The following HNRNPR variants were observed in gnomAD, a reference collection of about 807,000 sequenced individuals.
HNRNPR encodes heterogeneous nuclear ribonucleoprotein R.
HNRNPR carries 4 observed loss-of-function variants against 70.3 expected under a neutral mutation model. That is an observed-to-expected ratio of 0.06 (90% CI 0.03 to 0.13). HNRNPR has a LOEUF of 0.13. Among genes scored for constraint, HNRNPR ranks in the 10% least tolerant of loss-of-function variants. The probability of loss-of-function intolerance (pLI) is 1.00; values close to 1 mark genes in which losing one functional copy is unlikely to be tolerated. For missense variants in HNRNPR, 423 were observed against 788.5 expected, an observed-to-expected ratio of 0.54 and a Z score of 5.55; for synonymous variants, 241 against 267.6, an observed-to-expected ratio of 0.90 and a Z score of 0.97.
intron 5 of HNRNPR, among the ~76,000 whole-genome samples, chr1:23,329,641 C>G (rs1646136790): frequency 6.6e-6 from 1 of 152,114 alleles, no homozygotes; most frequent in Non-Finnish European, 1.5e-5. Flanking sequence ...ACAGTCTTTT[C>G]TTTTTTTGAG....
In HNRNPR at chr1:23,338,591, C is replaced by T. The variant is rs1646591773; in HGVS notation, c.175G>A (p.Asp59Asn). The T allele has an allele frequency of 6.9e-6, 11 of 1,583,054 alleles. No homozygotes were observed. Among genetic ancestry groups the T allele is most frequent in the South Asian group, 1.1e-5 (1 of 87,302 alleles). ...GCATCAATTGCTCTTTCATCAAGAT[C>T]GACATAAGCTACCAATCCTAAAAAT... is the stretch of plus-strand genomic sequence containing the variant. The part of the protein sequence containing the change: ...IFQTGLVAYV[D>N]LDERAIDALR... Residue 59 changes from aspartate (D) to asparagine (N), a missense_variant, in exon 3 of 11, where the codon GAT becomes AAT. Coordinates refer to ENST00000302271, the MANE Select transcript of HNRNPR (RefSeq NM_005826.5).
At chr1:23,311,713 G>A (rs191362577) in intron 9 of HNRNPR, 88 of 166,150 alleles carry the variant, frequency 5.3e-4, no homozygotes, top group Middle Eastern at 3.1e-3. Flanking sequence ...AACTTCTCAG[G>A]ATTAGAATTT....
rs183758035 is a variant in HNRNPR, at chr1:23,318,748, G to C, written c.812-60C>G. Reference sequence around the variant, plus strand: ...GCATCCACCACACATCTAGCGATTAGGCAGACCTAAATCCACTTGACGATG... The same window carrying C: ...GCATCCACCACACATCTAGCGATTACGCAGACCTAAATCCACTTGACGATG... On this transcript the variant is annotated intron_variant, in intron 7 of 10. Transcript: ENST00000302271. The surrounding 1 kb of genome is among the most constrained non-coding windows in gnomAD (Gnocchi z 4.2). 1.2e-5 allele frequency: 19 copies of C among 1,541,838 alleles called. No individual in the cohort carries two copies. In the East Asian group the frequency reaches 4.1e-4, roughly 33 times the overall value.
Position 23,311,073 on chromosome 1 carries a change from A to G in HNRNPR, c.1290-7T>C, listed in dbSNP as rs1431548066. The G allele has an allele frequency of 5.0e-6, 8 of 1,611,528 alleles. No individual in the cohort carries two copies. The highest frequency in any genetic ancestry group is 5.1e-6 in the Non-Finnish European group (6 of 1,178,696). Reference sequence around the variant, plus strand: ...GTAGTAATAATCTTCATACCTAGCAAAGTAGAGAAGGGAGAAAAGAAAAAA... The same window carrying G: ...GTAGTAATAATCTTCATACCTAGCAGAGTAGAGAAGGGAGAAAAGAAAAAA... On this transcript the variant is annotated splice_region_variant and splice_polypyrimidine_tract_variant and intron_variant, in intron 10 of 10. Coordinates refer to ENST00000302271, the MANE Select transcript of HNRNPR (RefSeq NM_005826.5).
chr1:23,340,927 CTG>C lies in HNRNPR; in HGVS notation c.80_81del (p.Thr27ArgfsTer20). The C allele has an allele frequency of 1.2e-6, 2 of 1,613,304 alleles. No homozygotes were observed. Among genetic ancestry groups the C allele is most frequent in the Non-Finnish European group, 1.7e-6 (2 of 1,179,376 alleles). On this transcript the variant is annotated frameshift_variant, in exon 2 of 11. Transcript: ENST00000302271. LOFTEE classifies it high-confidence loss of function. ...GCCTCTATCAGTGTCTTGTAGTGTT[CTG>C]TGTGAGTTACACTGGAAGTATCCAT... ...EPMDTSSVTH[T>X]EHYKTLIEAG... is the part of the protein sequence containing the mutation.
At chr1:23,335,961 C>CA (rs1271532254) in intron 4 of HNRNPR, among the ~76,000 whole-genome samples, 1 of 146,708 alleles carries the variant, frequency 6.8e-6, no homozygotes, top group Non-Finnish European at 1.5e-5. Flanking sequence ...ACTAAAAATA[C>CA]AAAAAATTAG....
At chr1:23,341,521 ACATGCTGGTGGTTTGGGTTTTCTC>A (rs1646703337) in intron 1 of HNRNPR, among the ~76,000 whole-genome samples, 1 of 152,172 alleles carries the variant, frequency 6.6e-6, no homozygotes, top group Admixed American at 6.5e-5. Flanking sequence ...CTCTAGTTCA[ACATGCTGGTGGTTTGGGTTTTCTC>A]CACCTAACAA....
At chr1:23,319,714 A>C (rs965268085) in intron 7 of HNRNPR, among the ~76,000 whole-genome samples, 1 of 152,204 alleles carries the variant, frequency 6.6e-6, no homozygotes, top group Non-Finnish European at 1.5e-5. Context: ...AACTCCTTAC[A>C]TGGCCTACAG....
chr1:23,341,569 C>CA (rs147705058), intron 1 of HNRNPR, among the ~76,000 whole-genome samples: 11 of 148,786 alleles, frequency 7.4e-5, no homozygotes, highest in South Asian at 4.2e-4. Context: ...AAAACGAAAA[C>CA]AAAAAAAAAC....
chr1:23,327,901 T>A (rs1417869556), intron 5 of HNRNPR, among the ~76,000 whole-genome samples: 1 of 144,364 alleles, frequency 6.9e-6, no homozygotes, highest in Non-Finnish European at 1.5e-5. Context: ...CTCATGCCTA[T>A]AATCCCAGCA....
intron 5 of HNRNPR, among the ~76,000 whole-genome samples, chr1:23,333,209 T>C (rs943860910): frequency 1.3e-5 from 2 of 151,834 alleles, no homozygotes; most frequent in Non-Finnish European, 2.9e-5. Flanking sequence ...AAAGACAGAA[T>C]AAAGCAATTG....
At chr1:23,337,568 A>G (rs1646545457) in intron 4 of HNRNPR, among the ~76,000 whole-genome samples, 186 bp downstream of exon 4, 1 of 151,328 alleles carries the variant, frequency 6.6e-6, no homozygotes, top group South Asian at 2.1e-4. Flanking sequence ...GAGGCAGGAG[A>G]ATGGCATGAA....
intron 8 of HNRNPR, among the ~76,000 whole-genome samples, chr1:23,316,580 CTATTATAATACATCTATAATACTAT>C (rs1269764102): frequency 6.6e-6 from 1 of 151,984 alleles, no homozygotes; most frequent in Non-Finnish European, 1.5e-5. Context: ...TTTTATTCCT[CTATTATAATACATCTATAATACTAT>C]TTTAAAATAT....
rs1645194364 is a variant in HNRNPR, at chr1:23,305,776, G to A, written c.*4678C>T. ...ACCCTAGCTTTCACACAAAACACAA[G>A]TTGTTCATAGGTTTATGTTTCTGCT... On this transcript the variant is annotated 3_prime_UTR_variant, in exon 11 of 11. Coordinates refer to ENST00000302271, the MANE Select transcript of HNRNPR (RefSeq NM_005826.5). 1 of 152,032 alleles carries A rather than the reference G, an allele frequency of 6.6e-6. No homozygotes were observed. Among genetic ancestry groups the A allele is most frequent in the Non-Finnish European group, 1.5e-5 (1 of 67,978 alleles). 9.4% of individuals were successfully genotyped at this position (152,032 alleles called of 1,614,324 possible).
chr1:23,319,405 C>T (rs1375055578), intron 7 of HNRNPR, among the ~76,000 whole-genome samples: 1 of 152,174 alleles, frequency 6.6e-6, no homozygotes, highest in African/African-American at 2.4e-5. Flanking sequence ...ATAAACAGTG[C>T]CATCCACCTG....
intron 5 of HNRNPR, among the ~76,000 whole-genome samples, chr1:23,332,141 G>C (rs1032586472): frequency 4.6e-5 from 7 of 152,040 alleles, no homozygotes; most frequent in African/African-American, 1.2e-4. Context: ...AGAGAGGGGA[G>C]AGGGGAGAGG....
rs1211259297 is a variant in HNRNPR at position 23,309,494 on chromosome 1, G to C, written c.*960C>G. On this transcript the variant is annotated 3_prime_UTR_variant, in exon 11 of 11. Coordinates refer to ENST00000302271, the MANE Select transcript of HNRNPR (RefSeq NM_005826.5). ...TTTTAATGCAAATTATCCAATGCCT[G>C]CAAGAATGCTCAAAAGTCTATGAAC... 4 of 148,612 alleles carry C rather than the reference G, an allele frequency of 2.7e-5. No homozygotes were observed. Among genetic ancestry groups the C allele is most frequent in the Non-Finnish European group, 5.9e-5 (4 of 67,448 alleles). The allele number at this position is 148,612 out of a possible 1,614,324, so 9.2% of individuals were successfully genotyped here.
Position 23,333,716 on chromosome 1 carries a change from T to TC in HNRNPR, c.385-86dup, listed in dbSNP as rs750839171. 1.3e-4 allele frequency: 92 copies of TC among 718,540 alleles called. No individual in the cohort carries two copies. The East Asian group carries it at 2.2e-3, about 17-fold the overall frequency. The allele number at this position is 718,540 out of a possible 1,614,324, so 44.5% of individuals were successfully genotyped here. ...TGTATTAATCTTTTCCAAAAAGGAC[T>TC]CCAACTTCCTAGGAGATATATTTTT... is the stretch of plus-strand genomic sequence containing the variant. On this transcript the variant is annotated intron_variant, in intron 4 of 10. Transcript: ENST00000302271.
At chr1:23,335,363 A>C (rs964047848) in intron 4 of HNRNPR, among the ~76,000 whole-genome samples, 4 of 152,232 alleles carry the variant, frequency 2.6e-5, no homozygotes, top group African/African-American at 9.6e-5. Context: ...ATGTAATATA[A>C]AACAGGGGTC....
Sources: allele counts gnomAD v4.1 joint callset (sites outside exome capture counted in the v4.1 genomes callset), GRCh38; gene constraint gnomAD v4.1.1; non-coding constraint Gnocchi (gnomAD v3.1); transcripts MANE v1.5; gene names NCBI Gene and HGNC (gene_info 2026-07-23, HGNC 2026-07-21).